Variants in NXPH1 observed in about 807,000 individuals in gnomAD.
NXPH1 encodes neurexophilin 1.
Under a neutral mutation model 23.7 loss-of-function variants are expected in NXPH1, and 5 were observed. The observed-to-expected ratio is 0.21, with a 90% CI of 0.11 to 0.44. The LOEUF is 0.44. NXPH1 is among the 20% of genes least tolerant of loss of function. The probability of loss-of-function intolerance (pLI) is 0.99; values close to 1 mark genes in which losing one functional copy is unlikely to be tolerated. For missense variants in NXPH1, 324 were observed against 321.6 expected (o/e 1.01, Z -0.06); for synonymous variants, 144 against 122.2 (o/e 1.18, Z -1.18).
chr7:8,719,142 T>A (rs17154596), intron 2 of NXPH1, among the ~76,000 whole-genome samples: 67,085 of 152,130 alleles, frequency 0.44, 15,713 homozygotes, highest in African/African-American at 0.61. Context: ...CTCTTAAAAA[T>A]TTAATTATTC....
chr7:8,635,807 G>T (rs1316107563), intron 2 of NXPH1, among the ~76,000 whole-genome samples: 1 of 152,040 alleles, frequency 6.6e-6, no homozygotes, highest in Non-Finnish European at 1.5e-5. Flanking sequence ...AATTAAAAAA[G>T]TTTGGTCCAA....
rs964814705 is a variant in NXPH1, at chr7:8,618,501, C to T, written c.55-132507C>T. ...TATATAAGAGCTCAAAGCACTTTCA[C>T]ATACATTTTTCCTTCATACTCTTTA... On this transcript the variant is annotated intron_variant, in intron 2 of 2. Transcript: ENST00000405863. Among the ~76,000 whole-genome samples the T allele has an allele frequency of 5.3e-5, 8 of 152,166 alleles. No homozygotes were observed. The East Asian group carries it at 7.7e-4, about 15-fold the overall frequency.
intron 2 of NXPH1, among the ~76,000 whole-genome samples, chr7:8,537,820 T>C (rs1818051610): frequency 6.6e-6 from 1 of 151,932 alleles, no homozygotes; most frequent in African/African-American, 2.4e-5. Context: ...AATTGGTATT[T>C]TTTTCTCTGA....
At chr7:8,725,489 C>CAAA (rs57404484) in intron 2 of NXPH1, among the ~76,000 whole-genome samples, 4 of 105,702 alleles carry the variant, frequency 3.8e-5, no homozygotes, top group South Asian at 6.4e-4. Flanking sequence ...GATTCTGTCT[C>CAAA]AAAAAAAAAA....
chr7:8,668,384 C>T (rs1438824710), intron 2 of NXPH1, among the ~76,000 whole-genome samples: 1 of 151,870 alleles, frequency 6.6e-6, no homozygotes, highest in African/African-American at 2.4e-5. Context: ...ATCAGCCCAT[C>T]CAGAGATTCT....
intron 2 of NXPH1, among the ~76,000 whole-genome samples, chr7:8,603,114 C>A (rs1819400112): frequency 6.6e-6 from 1 of 152,038 alleles, no homozygotes; most frequent in South Asian, 2.1e-4. Context: ...CTCTGTCTAC[C>A]CTTGTGTCTT....
intron 2 of NXPH1, among the ~76,000 whole-genome samples, chr7:8,719,238 G>T (rs967199875): frequency 1.3e-4 from 20 of 152,298 alleles, no homozygotes; most frequent in African/African-American, 4.6e-4. Flanking sequence ...AGGAGATAAT[G>T]ACTGCTTTAT....
intron 2 of NXPH1, among the ~76,000 whole-genome samples, chr7:8,613,963 A>G (rs1017376563): frequency 5.9e-5 from 9 of 151,842 alleles, no homozygotes; most frequent in African/African-American, 2.2e-4. Context: ...AACGACTAAT[A>G]TTGTTTTAAT....
chr7:8,684,275 T>C (rs963065032), intron 2 of NXPH1, among the ~76,000 whole-genome samples: 1 of 152,162 alleles, frequency 6.6e-6, no homozygotes, highest in Non-Finnish European at 1.5e-5. Flanking sequence ...GATCACCACA[T>C]AGTATGTGTG....
intron 2 of NXPH1, among the ~76,000 whole-genome samples, chr7:8,676,363 TA>T: frequency 6.6e-6 from 1 of 152,270 alleles, no homozygotes; most frequent in East Asian, 1.9e-4. Context: ...TTAAGATGAG[TA>T]GCTGTAAACT....
At chr7:8,717,714 T>G (rs1779899685) in intron 2 of NXPH1, among the ~76,000 whole-genome samples, 1 of 152,160 alleles carries the variant, frequency 6.6e-6, no homozygotes, top group Non-Finnish European at 1.5e-5. Flanking sequence ...GCTACATATG[T>G]GGTAAGCTTA....
At chr7:8,742,935 A>T (rs997227716) in intron 2 of NXPH1, among the ~76,000 whole-genome samples, 2 of 152,140 alleles carry the variant, frequency 1.3e-5, no homozygotes, top group Non-Finnish European at 2.9e-5. Flanking sequence ...AGACTTTGCT[A>T]TTGACCTCAA....
At chr7:8,723,318 A>T (rs1779998503) in intron 2 of NXPH1, among the ~76,000 whole-genome samples, 2 of 152,208 alleles carry the variant, frequency 1.3e-5, no homozygotes, top group Non-Finnish European at 2.9e-5. Context: ...TATTCTTTTC[A>T]TTACCACATT....
At chr7:8,617,483 A>T (rs976494099) in intron 2 of NXPH1, among the ~76,000 whole-genome samples, 8 of 152,148 alleles carry the variant, frequency 5.3e-5, no homozygotes, top group Non-Finnish European at 8.8e-5. Context: ...CATAAAAAAG[A>T]AGGAGATCCA....
chr7:8,457,941 T>C (rs527976080), intron 2 of NXPH1, among the ~76,000 whole-genome samples: 1 of 152,356 alleles, frequency 6.6e-6, no homozygotes, highest in African/African-American at 2.4e-5. Context: ...ACTTTCTTCC[T>C]TCAAGAGTTA....
At chr7:8,617,217 G>T (rs1279677733) in intron 2 of NXPH1, among the ~76,000 whole-genome samples, 1 of 152,016 alleles carries the variant, frequency 6.6e-6, no homozygotes, top group African/African-American at 2.4e-5. Flanking sequence ...GAGAAACTTT[G>T]TTTTAGAGGT....
Position 8,751,725 on chromosome 7 carries a change from G to T in NXPH1, c.772G>T (p.Asp258Tyr). 1 of 1,612,686 alleles carries T rather than the reference G, an allele frequency of 6.2e-7. No individual in the cohort carries two copies. The highest frequency in any genetic ancestry group is 1.1e-5 in the South Asian group (1 of 90,854). ...DYKLVQKVCP[D>Y]YNYHSDTPYF... Reference sequence around the variant, plus strand: ...TAAACTGGTACAGAAAGTGTGCCCTGACTACAACTACCACAGTGACACACC... The same window carrying T: ...TAAACTGGTACAGAAAGTGTGCCCTTACTACAACTACCACAGTGACACACC... The change falls in exon 3 of 3, where the codon GAC becomes TAC. Residue 258 changes from aspartate (D) to tyrosine (Y), a missense_variant. Transcript: ENST00000405863. This position sits in a 1 kb window ranked among gnomAD's most constrained non-coding sequence, Gnocchi z 4.5.
chr7:8,511,498 T>C (rs1023832024), intron 2 of NXPH1, among the ~76,000 whole-genome samples: 1 of 152,112 alleles, frequency 6.6e-6, no homozygotes, highest in African/African-American at 2.4e-5. Context: ...GTGTACAGTA[T>C]AGACTGACCC....
intron 2 of NXPH1, among the ~76,000 whole-genome samples, chr7:8,591,649 C>T (rs751049586): frequency 1.3e-5 from 2 of 151,916 alleles, no homozygotes; most frequent in Non-Finnish European, 2.9e-5. Flanking sequence ...AATTTTATGT[C>T]TGTACTGTGA....
Sources: allele counts gnomAD v4.1 joint callset (sites outside exome capture counted in the v4.1 genomes callset), GRCh38; gene constraint gnomAD v4.1.1; non-coding constraint Gnocchi (gnomAD v3.1); transcripts MANE v1.5; gene names NCBI Gene and HGNC (gene_info 2026-07-23, HGNC 2026-07-21).